Variants in EYA1 observed in about 807,000 individuals in gnomAD.
The protein encoded by EYA1 is protein phosphatase EYA1.
In EYA1, 16 loss-of-function variants were observed where a neutral mutation model predicts 82.0. The observed-to-expected ratio is 0.20, with a 90% confidence interval of 0.13 to 0.30. The LOEUF (loss-of-function observed/expected upper bound fraction) is 0.30. EYA1 is among the 10% of genes least tolerant of loss of function. The probability of loss-of-function intolerance (pLI) is 1.00; values close to 1 mark genes in which losing one functional copy is unlikely to be tolerated. For missense variants in EYA1, 633 were observed against 730.7 expected (o/e 0.87, Z 1.54); for synonymous variants, 261 against 264.4 (o/e 0.99, Z 0.12).
chr8:71,229,066 TTAATA>T (rs1810897946), intron 12 of EYA1, among the ~76,000 whole-genome samples: 1 of 152,170 alleles, frequency 6.6e-6, no homozygotes, highest in Non-Finnish European at 1.5e-5. Flanking sequence ...TTGGAAACAC[TTAATA>T]TATTTCTATG....
intron 2 of EYA1, among the ~76,000 whole-genome samples, chr8:71,417,839 T>C (rs1830938978): frequency 6.6e-6 from 1 of 152,192 alleles, no homozygotes; most frequent in Admixed American, 6.6e-5. Flanking sequence ...TAGAGATAAC[T>C]CAAATTCCAC....
intron 9 of EYA1, among the ~76,000 whole-genome samples, chr8:71,297,071 T>C (rs1819675706): frequency 6.6e-6 from 1 of 152,130 alleles, no homozygotes; most frequent in African/African-American, 2.4e-5. Context: ...ATCTGAAAAG[T>C]ATTATTTTTT....
At chr8:71,501,555 A>T (rs1020332532) in intron 2 of EYA1, among the ~76,000 whole-genome samples, 1 of 152,230 alleles carries the variant, frequency 6.6e-6, no homozygotes, top group African/African-American at 2.4e-5. Flanking sequence ...AGCATAAACC[A>T]GGCCATATTT....
intron 2 of EYA1, among the ~76,000 whole-genome samples, chr8:71,481,269 A>T (rs1012026153): frequency 1.3e-5 from 2 of 152,184 alleles, no homozygotes; most frequent in Non-Finnish European, 2.9e-5. Context: ...GCACCTTACA[A>T]AATATTTATT....
chr8:71,205,557 G>A (rs1163858963), intron 17 of EYA1, among the ~76,000 whole-genome samples: 2 of 152,202 alleles, frequency 1.3e-5, no homozygotes, highest in African/African-American at 2.4e-5. Context: ...CTTTCAATAT[G>A]AGGTTGTTCT....
At chr8:71,330,495 T>C (rs1823712558) in intron 4 of EYA1, among the ~76,000 whole-genome samples, 1 of 152,182 alleles carries the variant, frequency 6.6e-6, no homozygotes. Context: ...GAATTTCCTT[T>C]CCTTCCCTTC....
chr8:71,527,276 A>T (rs979433806), intron 2 of EYA1, among the ~76,000 whole-genome samples: 3 of 152,220 alleles, frequency 2.0e-5, no homozygotes, highest in African/African-American at 7.2e-5. Flanking sequence ...GACTTTGATG[A>T]TTGGTCTTCC....
At chr8:71,312,735 A>C (rs1386029967) in intron 7 of EYA1, among the ~76,000 whole-genome samples, 1 of 152,170 alleles carries the variant, frequency 6.6e-6, no homozygotes, top group Non-Finnish European at 1.5e-5. Flanking sequence ...ATAGGTTCTT[A>C]TCTTTTCAAA....
At chr8:71,277,115 A>ATGCTTT (rs1563383057) in intron 9 of EYA1, among the ~76,000 whole-genome samples, 10 of 76,946 alleles carry the variant, frequency 1.3e-4, no homozygotes, top group South Asian at 6.3e-4. Context: ...GGCTTCACAC[A>ATGCTTT]TTTTTTTTTT....
At chr8:71,246,036 A>G (rs1813050161) in intron 11 of EYA1, among the ~76,000 whole-genome samples, 1 of 152,214 alleles carries the variant, frequency 6.6e-6, no homozygotes, top group African/African-American at 2.4e-5. Flanking sequence ...TCCTGTATTT[A>G]CTGTGTATCA....
chr8:71,451,491 AGAAATATAT>A (rs1269304449), intron 2 of EYA1, among the ~76,000 whole-genome samples: 3 of 152,354 alleles, frequency 2.0e-5, no homozygotes, highest in East Asian at 3.9e-4. Context: ...AATGCCAGAA[AGAAATATAT>A]GAAATATATG....
chr8:71,459,852 T>G, intron 2 of EYA1, among the ~76,000 whole-genome samples: 1 of 152,184 alleles, frequency 6.6e-6, no homozygotes, highest in East Asian at 1.9e-4. Flanking sequence ...ACCCACTATC[T>G]GTTCTTTTTT....
intron 7 of EYA1, among the ~76,000 whole-genome samples, chr8:71,309,537 T>C (rs1402830718): frequency 6.6e-6 from 1 of 152,254 alleles, no homozygotes; most frequent in African/African-American, 2.4e-5. Flanking sequence ...CAGATTACTT[T>C]TTTAAGCTTA....
At chr8:71,276,233 T>G (rs1236021685) in intron 9 of EYA1, among the ~76,000 whole-genome samples, 3 of 152,208 alleles carry the variant, frequency 2.0e-5, no homozygotes, top group African/African-American at 7.2e-5. Flanking sequence ...AAACAGTTAG[T>G]GGACAGGCAG....
intron 1 of EYA1, among the ~76,000 whole-genome samples, chr8:71,546,511 A>AT (rs35757925): frequency 0.39 from 54,526 of 138,502 alleles, 10,906 homozygotes; most frequent in African/African-American, 0.51. Context: ...ACTGATTCTT[A>AT]TTTTTTTTTT....
chr8:71,361,773 T>G lies in EYA1; in HGVS notation c.-181A>C, dbSNP rs989173724. Reference sequence around the variant, plus strand: ...GCGCGGGGGCTCTCAGGCGCTCTGGTGCAGCCGCGGCGCTTCTGGGAGTGG... The same window carrying G: ...GCGCGGGGGCTCTCAGGCGCTCTGGGGCAGCCGCGGCGCTTCTGGGAGTGG... On this transcript the variant is annotated 5_prime_UTR_variant, in exon 1 of 18. Transcript: ENST00000340726. 1 of 985,464 alleles carries G rather than the reference T, an allele frequency of 1.0e-6. No homozygotes were observed. The highest frequency in any genetic ancestry group is 1.7e-5 in the African/African-American group (1 of 57,358). The allele number at this position is 985,464 out of a possible 1,614,324, so 61.0% of individuals were successfully genotyped here. A position where few individuals can be genotyped will look rare whatever the true frequency, so the allele number is the denominator to read the frequency against.
chr8:71,312,716 G>A (rs1195152501), intron 7 of EYA1, among the ~76,000 whole-genome samples: 1 of 152,222 alleles, frequency 6.6e-6, no homozygotes. Flanking sequence ...GGGATTACAG[G>A]CGTGAGCCAT....
intron 12 of EYA1, among the ~76,000 whole-genome samples, chr8:71,238,493 T>A (rs2128893873): frequency 6.6e-6 from 1 of 151,172 alleles, no homozygotes; most frequent in African/African-American, 2.5e-5. Flanking sequence ...TTCCTTTATA[T>A]CTCTCAGTAA....
chr8:71,400,257 C>T (rs879000550), intron 2 of EYA1, among the ~76,000 whole-genome samples: 1 of 152,136 alleles, frequency 6.6e-6, no homozygotes, highest in Non-Finnish European at 1.5e-5. Context: ...ATGATGAAAA[C>T]ATCAAAAGCA....
Sources: allele counts gnomAD v4.1 joint callset (sites outside exome capture counted in the v4.1 genomes callset), GRCh38; gene constraint gnomAD v4.1.1; transcripts MANE v1.5; gene names NCBI Gene and HGNC (gene_info 2026-07-23, HGNC 2026-07-21).